Variants in STIM2 observed in about 807,000 individuals in gnomAD.
STIM2 encodes the protein stromal interaction molecule 2.
In STIM2, 31 loss-of-function variants were observed where a neutral mutation model predicts 85.8. The observed-to-expected ratio is 0.36, with a 90% CI of 0.27 to 0.49. The LOEUF (loss-of-function observed/expected upper bound fraction) is 0.49. Ranked by LOEUF, STIM2 falls within the 20% of genes least tolerant of loss-of-function variation. The pLI, the probability that STIM2 is intolerant of heterozygous loss-of-function variation, is 0.98. For synonymous variants in STIM2, 356 were observed against 331.1 expected (o/e 1.08, Z -0.82); for missense variants, 841 against 927.6 (o/e 0.91, Z 1.21).
intron 2 of STIM2, among the ~76,000 whole-genome samples, chr4:26,955,819 A>AAAAAGAAT (rs1385829960): frequency 3.3e-5 from 5 of 152,012 alleles, no homozygotes; most frequent in South Asian, 2.1e-4. Flanking sequence ...AGTGTTTTCT[A>AAAAAGAAT]ATTGCCATAA....
chr4:26,889,494 G>T (rs1282786980), intron 1 of STIM2, among the ~76,000 whole-genome samples: 4 of 152,214 alleles, frequency 2.6e-5, no homozygotes, highest in Non-Finnish European at 5.9e-5. Context: ...GCAGGGAAGA[G>T]AAATCCATAT....
At chr4:26,922,660 T>C (rs1377010732) in intron 2 of STIM2, among the ~76,000 whole-genome samples, 1 of 152,148 alleles carries the variant, frequency 6.6e-6, no homozygotes, top group Non-Finnish European at 1.5e-5. Flanking sequence ...ATCTTGAACC[T>C]TGTAACAGAG....
chr4:26,911,862 T>C (rs1724354692), intron 1 of STIM2, among the ~76,000 whole-genome samples: 2 of 152,188 alleles, frequency 1.3e-5, no homozygotes, highest in African/African-American at 2.4e-5. Context: ...TTTGGAGAAA[T>C]AGCCATTAAT....
intron 1 of STIM2, among the ~76,000 whole-genome samples, chr4:26,863,942 A>T (rs1201263196): frequency 6.6e-6 from 1 of 152,072 alleles, no homozygotes; most frequent in African/African-American, 2.4e-5. Flanking sequence ...TTAGCCTTTG[A>T]CTAATAAAAT....
intron 1 of STIM2, among the ~76,000 whole-genome samples, chr4:26,890,206 T>C (rs1175355262): frequency 1.3e-5 from 2 of 152,210 alleles, no homozygotes; most frequent in Admixed American, 6.5e-5. Flanking sequence ...CACTTTTTTT[T>C]CTTCGGTCAA....
chr4:27,004,340 T>A (rs1466292840), intron 7 of STIM2, among the ~76,000 whole-genome samples: 1 of 152,126 alleles, frequency 6.6e-6, no homozygotes, highest in Non-Finnish European at 1.5e-5. Flanking sequence ...CAGCACAGAA[T>A]GTAGCAAAGA....
At chr4:26,934,424 G>A (rs906390538) in intron 2 of STIM2, among the ~76,000 whole-genome samples, 1 of 152,166 alleles carries the variant, frequency 6.6e-6, no homozygotes, top group Non-Finnish European at 1.5e-5. Flanking sequence ...ACAATTGTGA[G>A]AATTTCTCAA....
At chr4:26,983,130 G>A (rs1056429413) in intron 3 of STIM2, among the ~76,000 whole-genome samples, 2 of 152,106 alleles carry the variant, frequency 1.3e-5, no homozygotes, top group African/African-American at 4.8e-5. Flanking sequence ...ACACTGAAAT[G>A]AATATGAAAA....
At chr4:26,982,847 G>C (rs763079477) in intron 3 of STIM2, among the ~76,000 whole-genome samples, 14 of 152,076 alleles carry the variant, frequency 9.2e-5, no homozygotes, top group Non-Finnish European at 1.8e-4. Context: ...CAACACTTTG[G>C]GTTAATTCTA....
chr4:26,968,025 G>T (rs574928568), intron 3 of STIM2, among the ~76,000 whole-genome samples: 8 of 152,022 alleles, frequency 5.3e-5, no homozygotes, highest in Non-Finnish European at 1.0e-4. Flanking sequence ...AAAAAAATTC[G>T]CCAGTCTTGG....
At chr4:26,894,531 C>T (rs932141212) in intron 1 of STIM2, among the ~76,000 whole-genome samples, 30 of 151,468 alleles carry the variant, frequency 2.0e-4, no homozygotes, top group Admixed American at 5.9e-4. Context: ...CAGCCAATTG[C>T]AGCACCATTT....
intron 1 of STIM2, among the ~76,000 whole-genome samples, chr4:26,880,369 G>C (rs1332362286): frequency 6.6e-6 from 1 of 151,840 alleles, no homozygotes; most frequent in Non-Finnish European, 1.5e-5. Context: ...TGCTGTCCCT[G>C]ATAAACATAC....
intron 10 of STIM2, among the ~76,000 whole-genome samples, chr4:27,016,505 G>A (rs1000087515): frequency 6.6e-6 from 1 of 152,092 alleles, no homozygotes; most frequent in African/African-American, 2.4e-5. Context: ...TTAACTCTTT[G>A]GAATACAGTT....
chr4:26,919,729 A>G, intron 2 of STIM2, 95 bp downstream of exon 2: 2 of 1,400,348 alleles, frequency 1.4e-6, no homozygotes, highest in South Asian at 2.8e-5. Context: ...CATGTGGCTC[A>G]TTGCCTTCAT....
At chr4:26,912,119 G>A (rs562487461) in intron 1 of STIM2, among the ~76,000 whole-genome samples, 4 of 152,316 alleles carry the variant, frequency 2.6e-5, no homozygotes, top group Admixed American at 2.6e-4. Context: ...TTCGGTAAAT[G>A]CTTGAGCGAT....
intron 1 of STIM2, among the ~76,000 whole-genome samples, chr4:26,918,835 G>A (rs551531282): frequency 6.6e-6 from 1 of 152,110 alleles, no homozygotes; most frequent in Non-Finnish European, 1.5e-5. Flanking sequence ...ATAGGGAAAG[G>A]GTTGACCAGT....
At chr4:26,957,415 C>T (rs181942552) in intron 2 of STIM2, among the ~76,000 whole-genome samples, 197 bp from the exon 3 acceptor site, 28 of 152,110 alleles carry the variant, frequency 1.8e-4, no homozygotes, top group Admixed American at 9.8e-4. Context: ...GTGGTGGTGG[C>T]GTTACGATTA....
intron 2 of STIM2, among the ~76,000 whole-genome samples, chr4:26,941,127 C>G (rs13129075): frequency 0.62 from 94,026 of 151,454 alleles, 30,202 homozygotes; most frequent in African/African-American, 0.81. Flanking sequence ...CCAAAGTGAC[C>G]TACTGACAGA....
intron 2 of STIM2, among the ~76,000 whole-genome samples, chr4:26,949,862 A>C (rs946160006): frequency 6.6e-6 from 1 of 152,318 alleles, no homozygotes; most frequent in Admixed American, 6.5e-5. Flanking sequence ...CTTTATGTTC[A>C]TAAAATCATA....
Sources: gnomAD v4.1 joint callset for allele counts (sites outside exome capture counted in the v4.1 genomes callset) on GRCh38, gnomAD v4.1.1 for gene constraint, MANE v1.5 for transcripts, NCBI Gene and HGNC (gene_info 2026-07-23, HGNC 2026-07-21) for gene names.